Variants in ZNF678 observed in about 807,000 individuals in gnomAD.
ZNF678 encodes the protein hypothetical protein MGC42493.
ZNF678 carries 5 observed loss-of-function variants against 3.0 expected under a neutral mutation model. The ratio of observed to expected loss-of-function variants is 1.69; its 90% CI spans 0.88 to 3.56. ZNF678 has a LOEUF of 3.56. Ranked by LOEUF, ZNF678 falls within the 30% of genes most tolerant of loss-of-function variation. ZNF678 has a pLI of 0.00. For synonymous variants in ZNF678, 218 were observed against 199.6 expected, an observed-to-expected ratio of 1.09 and a Z score of -0.78; for missense variants, 593 against 605.0, an observed-to-expected ratio of 0.98 and a Z score of 0.21.
chr1:227,647,941 CAT>C (rs1459003994), intron 2 of ZNF678, among the ~76,000 whole-genome samples: 3 of 152,110 alleles, frequency 2.0e-5, no homozygotes, highest in Non-Finnish European at 4.4e-5. Flanking sequence ...ACACCACAAA[CAT>C]GTTGTATTTT....
intron 1 of ZNF678, among the ~76,000 whole-genome samples, chr1:227,608,819 A>G (rs1003099927): frequency 6.6e-6 from 1 of 152,206 alleles, no homozygotes; most frequent in Non-Finnish European, 1.5e-5. Context: ...GGATCTAGAA[A>G]AGGAATCAAA....
chr1:227,665,200 C>T (rs1217708813), downstream of ZNF678, among the ~76,000 whole-genome samples: 1 of 152,198 alleles, frequency 6.6e-6, no homozygotes, highest in Admixed American at 6.5e-5. Context: ...ACAGCTCAAA[C>T]AGGCCTGGGC....
downstream of ZNF678, among the ~76,000 whole-genome samples, chr1:227,664,550 AGTG>A (rs1158390155): frequency 1.3e-5 from 2 of 152,190 alleles, no homozygotes; most frequent in Non-Finnish European, 2.9e-5. Flanking sequence ...CAGAGGCATC[AGTG>A]GTGAGAGTTG....
At chr1:227,568,879 A>G (rs540800757) in intron 1 of ZNF678, among the ~76,000 whole-genome samples, 6 of 152,336 alleles carry the variant, frequency 3.9e-5, no homozygotes, top group South Asian at 4.2e-4. Flanking sequence ...AACTCCACAC[A>G]TCTGGTGTCA....
rs76379436 is a variant in ZNF678 at position 227,574,612 on chromosome 1, G to C, written c.-164+10888G>C. Among the ~76,000 whole-genome samples the C allele has an allele frequency of 2.0e-5, 3 of 152,070 alleles. No individual in the cohort carries two copies. The East Asian group carries it at 5.8e-4, about 29-fold the overall frequency. On this transcript the variant is annotated intron_variant, in intron 1 of 3. Coordinates refer to ENST00000343776, the MANE Select transcript of ZNF678 (RefSeq NM_001367909.1). ...ACAGTTTTCTCCCATTCTGTAGGTT[G>C]TCTGTTCCTCTGTTGATATTTTTCT...
chr1:227,630,719 T>G (rs928134229), intron 1 of ZNF678, among the ~76,000 whole-genome samples: 4 of 152,148 alleles, frequency 2.6e-5, no homozygotes, highest in African/African-American at 9.7e-5. Flanking sequence ...TGGCACACTT[T>G]GGTTCATTGT....
intron 1 of ZNF678, among the ~76,000 whole-genome samples, chr1:227,605,363 T>C (rs1275887955): frequency 6.6e-6 from 1 of 152,212 alleles, no homozygotes; most frequent in Non-Finnish European, 1.5e-5. Flanking sequence ...TTCTTTTATA[T>C]ATGAAATAAT....
intron 1 of ZNF678, among the ~76,000 whole-genome samples, chr1:227,605,130 CAGGCGTGAGCCACTGCGCCT>C (rs1165720638): frequency 3.3e-5 from 5 of 152,232 alleles, no homozygotes; most frequent in Non-Finnish European, 7.3e-5. Flanking sequence ...GCTGGGATTA[CAGGCGTGAGCCACTGCGCCT>C]GGCCCAGTTA....
rs1344698677 is a variant in ZNF678 at position 227,563,657 on chromosome 1, C to G, written c.-231C>G. On this transcript the variant is annotated 5_prime_UTR_variant, in exon 1 of 4. Coordinates refer to ENST00000343776, the MANE Select transcript of ZNF678 (RefSeq NM_001367909.1). ...ACTCTGCTGCTGCAGTGTCTGGTTT[C>G]CCTGTGACCTGCAGGTACTGGGAGT... The G allele has an allele frequency of 7.6e-7, 1 of 1,320,280 alleles. No individual in the cohort carries two copies. Among genetic ancestry groups the G allele is most frequent in the Admixed American group, 2.2e-5 (1 of 45,574 alleles). The allele number at this position is 1,320,280 out of a possible 1,614,324, so 81.8% of individuals were successfully genotyped here. A position where few individuals can be genotyped will look rare whatever the true frequency, so the allele number is the denominator to read the frequency against.
Position 227,675,638 on chromosome 1 carries a change from AT to A in ZNF678, c.227-1530del, listed in dbSNP as rs528969774. Reference sequence around the variant, plus strand: ...GACTGTGAACATTCACTTAAAATACATTTTTTTTTTTACATCTTTAAAATTA... The same window carrying A: ...GACTGTGAACATTCACTTAAAATACATTTTTTTTTTACATCTTTAAAATTA... On this transcript the variant is annotated intron_variant, in intron 5 of 5. Transcript: ENST00000608949. Among the ~76,000 whole-genome samples the A allele has an allele frequency of 5.5e-3, 815 of 147,330 alleles. 3 individuals carry two copies. Among genetic ancestry groups the A allele is most frequent in the Middle Eastern group, 6.9e-3 (2 of 290 alleles).
At position 227,658,435 on chromosome 1, in the gene ZNF678, A is replaced by G. The variant is rs1480626147; in HGVS notation, c.*2607A>G. 1 of 152,106 alleles carries G rather than the reference A, an allele frequency of 6.6e-6. No individual in the cohort carries two copies. The highest frequency in any genetic ancestry group is 1.5e-5 in the Non-Finnish European group (1 of 67,960). 9.4% of individuals were successfully genotyped at this position (152,106 alleles called of 1,614,324 possible). A position where few individuals can be genotyped will look rare whatever the true frequency, so the allele number is the denominator to read the frequency against. On this transcript the variant is annotated 3_prime_UTR_variant, in exon 4 of 4. Coordinates refer to ENST00000343776, the MANE Select transcript of ZNF678 (RefSeq NM_001367909.1). ...CATAAAGAGATGGCATTAACTCTGC[A>G]TGTAAAGAAAACACATGTATACCCA...
intron 1 of ZNF678, among the ~76,000 whole-genome samples, chr1:227,628,565 T>C (rs1658473526): frequency 6.6e-6 from 1 of 152,240 alleles, no homozygotes; most frequent in Non-Finnish European, 1.5e-5. Flanking sequence ...GATAAGCCAG[T>C]ATAGGCTGGA....
chr1:227,641,590 G>T (rs1261372862), intron 1 of ZNF678, among the ~76,000 whole-genome samples: 1 of 152,052 alleles, frequency 6.6e-6, no homozygotes, highest in Non-Finnish European at 1.5e-5. Flanking sequence ...TACCAAACAT[G>T]ATATAAACAT....
intron 1 of ZNF678, among the ~76,000 whole-genome samples, chr1:227,632,536 G>A (rs1002017897): frequency 2.9e-4 from 44 of 151,940 alleles, no homozygotes; most frequent in African/African-American, 9.9e-4. Flanking sequence ...GTCGGCCCTC[G>A]GCTTCCCCCA....
chr1:227,591,125 G>C (rs1253581402), intron 1 of ZNF678, among the ~76,000 whole-genome samples: 1 of 151,766 alleles, frequency 6.6e-6, no homozygotes, highest in Non-Finnish European at 1.5e-5. Context: ...GGAATTTTTG[G>C]TACTGGCACA....
downstream of ZNF678, among the ~76,000 whole-genome samples, chr1:227,678,972 C>G (rs1224355840): frequency 6.6e-6 from 1 of 152,130 alleles, no homozygotes; most frequent in Admixed American, 6.5e-5. Context: ...TGTATTACCC[C>G]TTGTGTGAGG....
At chr1:227,633,038 T>A (rs1658589012) in intron 1 of ZNF678, among the ~76,000 whole-genome samples, 1 of 152,114 alleles carries the variant, frequency 6.6e-6, no homozygotes, top group South Asian at 2.1e-4. Context: ...CACTTAGCCA[T>A]GCAGGAACAA....
chr1:227,570,671 AGTT>A (rs1656815977), intron 1 of ZNF678, among the ~76,000 whole-genome samples: 2 of 142,152 alleles, frequency 1.4e-5, no homozygotes, highest in African/African-American at 2.6e-5. Context: ...ATGGCTGACT[AGTT>A]TTTTTTTTTT....
At chr1:227,651,129 C>A in intron 3 of ZNF678, 53 bp downstream of exon 3, 1 of 1,594,314 alleles carries the variant, frequency 6.3e-7, no homozygotes, top group South Asian at 1.1e-5. Flanking sequence ...TTTCTGGGTT[C>A]ATAGTAGAGA....
Sources: gnomAD v4.1 joint callset for allele counts (sites outside exome capture counted in the v4.1 genomes callset) on GRCh38, gnomAD v4.1.1 for gene constraint, MANE v1.5 for transcripts, NCBI Gene and HGNC (gene_info 2026-07-23, HGNC 2026-07-21) for gene names.